The following VPS13D variants were observed in gnomAD, a reference collection of about 807,000 sequenced individuals.
VPS13D encodes vacuolar protein sorting 13 homolog D, also known as intermembrane lipid transfer protein VPS13D.
In VPS13D, 187 loss-of-function variants were observed where a neutral mutation model predicts 461.9. The ratio of observed to expected loss-of-function variants is 0.40; its 90% confidence interval spans 0.36 to 0.46. The LOEUF is 0.46. VPS13D is among the 20% of genes least tolerant of loss of function. The pLI is 0.60. For synonymous variants in VPS13D, 1,951 were observed against 1,986.3 expected (o/e 0.98, Z 0.47); for missense variants, 4,711 against 5,364.9 (o/e 0.88, Z 3.81).
In VPS13D at chr1:12,319,585, C is replaced by G; in HGVS notation, c.7503C>G (p.Pro2501=). The part of the protein sequence containing the change: ...LKGTTVLTYK[P]RFVDRPFSGS... ...GCACCACAGTGCTCACCTATAAGCC[C>G]CGGTTTGTTGATCGCCCCTTTTCAG... The change falls in exon 32 of 70, where the codon CCC becomes CCG. Residue 2501 remains proline, a synonymous_variant. Transcript: ENST00000620676. The G allele has an allele frequency of 6.2e-7, 1 of 1,614,170 alleles. No homozygotes were observed.
At chr1:12,382,075 T>G (rs940450595) in intron 57 of VPS13D, among the ~76,000 whole-genome samples, 1 of 150,848 alleles carries the variant, frequency 6.6e-6, no homozygotes, top group African/African-American at 2.4e-5. Context: ...CTCTCTTTCT[T>G]TCTTTTTCTT....
At chr1:12,230,235 C>T (rs991477726) in intron 1 of VPS13D, 115 bp downstream of exon 1, 10 of 152,374 alleles carry the variant, frequency 6.6e-5, no homozygotes, top group Non-Finnish European at 1.5e-5. Flanking sequence ...CGGGCCCACC[C>T]TGGGGAGAGC....
chr1:12,235,777 A>G (rs1640129024), intron 2 of VPS13D, among the ~76,000 whole-genome samples: 1 of 152,120 alleles, frequency 6.6e-6, no homozygotes, highest in South Asian at 2.1e-4. Flanking sequence ...AGGGAAGAGG[A>G]TGCATTCAAA....
chr1:12,264,663 T>C (rs1641211023), intron 13 of VPS13D, among the ~76,000 whole-genome samples: 1 of 152,186 alleles, frequency 6.6e-6, no homozygotes, highest in Non-Finnish European at 1.5e-5. Context: ...AGTTTGAAGC[T>C]AGCAGAGGCT....
intron 66 of VPS13D, among the ~76,000 whole-genome samples, chr1:12,458,749 TC>T (rs1033143793): frequency 6.6e-6 from 1 of 152,128 alleles, no homozygotes; most frequent in African/African-American, 2.4e-5. Flanking sequence ...AGGGTAAACA[TC>T]CTGTGAGTGT....
chr1:12,430,657 A>G (rs1040848480), intron 65 of VPS13D, among the ~76,000 whole-genome samples: 2 of 152,186 alleles, frequency 1.3e-5, no homozygotes, highest in Admixed American at 6.5e-5. Context: ...CTCTTTTCCT[A>G]CCACACTAAG....
At chr1:12,266,106 A>G (rs1320151306) in intron 13 of VPS13D, among the ~76,000 whole-genome samples, 19 of 152,214 alleles carry the variant, frequency 1.2e-4, no homozygotes. Context: ...TTGAAGTTAC[A>G]GTGAGCTATG....
intron 1 of VPS13D, among the ~76,000 whole-genome samples, chr1:12,233,575 A>C (rs1436267062): frequency 2.0e-5 from 3 of 152,228 alleles, no homozygotes; most frequent in Non-Finnish European, 4.4e-5. Context: ...TCCCAAGGTA[A>C]ATCAACATAA....
intron 58 of VPS13D, among the ~76,000 whole-genome samples, chr1:12,383,505 A>G (rs768694933): frequency 6.6e-5 from 10 of 152,256 alleles, no homozygotes; most frequent in Admixed American, 2.0e-4. Context: ...GAGATCCTTA[A>G]TCAGATAATT....
At chr1:12,275,140 A>T (rs1641570145) in intron 18 of VPS13D, among the ~76,000 whole-genome samples, 1 of 152,162 alleles carries the variant, frequency 6.6e-6, no homozygotes, top group South Asian at 2.1e-4. Flanking sequence ...AATCTCTTGA[A>T]CCTGGGAGGT....
chr1:12,382,545 G>T (rs898829161), intron 57 of VPS13D, among the ~76,000 whole-genome samples: 1 of 152,156 alleles, frequency 6.6e-6, no homozygotes, highest in Non-Finnish European at 1.5e-5. Flanking sequence ...TTCAACTCAA[G>T]AATTTTCCTC....
rs1448514526 is a variant in VPS13D, at chr1:12,283,636, G to A, written c.5534G>A (p.Arg1845Lys). 1 of 1,614,180 alleles carries A rather than the reference G, an allele frequency of 6.2e-7. No homozygotes were observed. The highest frequency in any genetic ancestry group is 1.7e-5 in the Admixed American group (1 of 60,028). The change falls in exon 21 of 70, where the codon AGG becomes AAG. Residue 1845 changes from arginine (R) to lysine (K), a missense_variant. By Grantham distance (26) the Arg-to-Lys change is conservative (BLOSUM62 2). Around this residue, in one of 3 missense-constraint regions of VPS13D, gnomAD observed 4,411 missense variants for 4,937.8 expected, o/e 0.89. Transcript: ENST00000620676. ...TCCACTGCAGACAACCACGCAATGA[G>A]GCTGCCTCCTGAGGGCATTCTGCAC... Reference protein sequence around the residue: ...IGSTADNHAMRLPPEGILHNV... With the variant: ...IGSTADNHAMKLPPEGILHNV...
At chr1:12,433,636 C>T (rs940896717) in intron 65 of VPS13D, among the ~76,000 whole-genome samples, 3 of 152,184 alleles carry the variant, frequency 2.0e-5, no homozygotes, top group African/African-American at 7.2e-5. Flanking sequence ...GTCGGCAGCT[C>T]CTGCGGGGAT....
chr1:12,405,804 T>C (rs1644645536), intron 63 of VPS13D, among the ~76,000 whole-genome samples: 1 of 152,202 alleles, frequency 6.6e-6, no homozygotes, highest in South Asian at 2.1e-4. Context: ...AGCAAACCAA[T>C]GTGAAGCATT....
intron 60 of VPS13D, among the ~76,000 whole-genome samples, chr1:12,392,737 G>T (rs1383817883): frequency 6.6e-6 from 1 of 152,008 alleles, no homozygotes; most frequent in African/African-American, 2.4e-5. Context: ...AGAGGCCTCT[G>T]CTGTGATTCA....
chr1:12,266,730 A>G (rs544613623), intron 13 of VPS13D, 151 bp from the exon 14 acceptor site: 21 of 731,952 alleles, frequency 2.9e-5, no homozygotes, highest in Non-Finnish European at 2.1e-6. Flanking sequence ...ATGTGCCTGT[A>G]GATAGATAGG....
At chr1:12,313,460 C>T (rs1642811545) in intron 29 of VPS13D, among the ~76,000 whole-genome samples, 1 of 151,892 alleles carries the variant, frequency 6.6e-6, no homozygotes, top group African/African-American at 2.4e-5. Flanking sequence ...AGGCATGAGC[C>T]ACGTCACCCA....
At chr1:12,387,300 A>G (rs946245323) in intron 60 of VPS13D, among the ~76,000 whole-genome samples, 2 of 152,266 alleles carry the variant, frequency 1.3e-5, no homozygotes, top group South Asian at 4.1e-4. Context: ...CCTCTTCCCA[A>G]GTAAATTAAC....
Position 12,511,445 on chromosome 1 carries a change from A to G in VPS13D, c.*2421A>G, listed in dbSNP as rs900042174. The G allele has an allele frequency of 6.6e-6, 1 of 152,192 alleles. No homozygotes were observed. The highest frequency in any genetic ancestry group is 2.4e-5 in the African/African-American group (1 of 41,446). The allele number at this position is 152,192 out of a possible 1,614,324, so 9.4% of individuals were successfully genotyped here. ...ACCAGGAAAACATCCAAAGCTTTGG[A>G]GGAAACAGGCCCTGCCCCTGGCTCC... is the stretch of plus-strand genomic sequence containing the variant. On this transcript the variant is annotated 3_prime_UTR_variant, in exon 70 of 70. Coordinates refer to ENST00000620676, the MANE Select transcript of VPS13D (RefSeq NM_015378.4). This position sits in a 1 kb window ranked among gnomAD's most constrained non-coding sequence, Gnocchi z 4.5.
Sources: gnomAD v4.1 joint callset for allele counts (sites outside exome capture counted in the v4.1 genomes callset) on GRCh38, gnomAD v4.1.1 for gene constraint, gnomAD v4.1.1 regional missense constraint, Gnocchi (gnomAD v3.1) non-coding constraint, MANE v1.5 for transcripts, NCBI Gene and HGNC (gene_info 2026-07-23, HGNC 2026-07-21) for gene names.